Variants in TAF8 observed in about 807,000 individuals in gnomAD.
TAF8 encodes TATA-box binding protein associated factor 8.
In TAF8, 47 loss-of-function variants were observed where a neutral mutation model predicts 36.5. That is an observed-to-expected ratio of 1.29 (90% CI 1.02 to 1.64). The LOEUF (loss-of-function observed/expected upper bound fraction) is 1.64, where lower values mean the gene tolerates loss of function less well. Among genes scored for constraint, TAF8 ranks in the 40% most tolerant of loss-of-function variants. The probability of loss-of-function intolerance (pLI) is 0.00; values close to 1 mark genes in which losing one functional copy is unlikely to be tolerated. For missense variants in TAF8, 420 were observed against 407.6 expected (o/e 1.03, Z -0.26); for synonymous variants, 175 against 159.5 (o/e 1.10, Z -0.73).
At chr6:42,059,747 G>T (rs886241268) in intron 5 of TAF8, among the ~76,000 whole-genome samples, 1 of 152,178 alleles carries the variant, frequency 6.6e-6, no homozygotes, top group African/African-American at 2.4e-5. Flanking sequence ...CTCCGCCCAG[G>T]AATGAACAAG....
At position 42,080,076 on chromosome 6, in the gene TAF8, G is replaced by A. The variant is rs772797622; in HGVS notation, c.*2531G>A. On this transcript the variant is annotated 3_prime_UTR_variant, in exon 9 of 9. Coordinates refer to ENST00000372977, the MANE Select transcript of TAF8 (RefSeq NM_138572.3). ...TAGTAACGTGAAACTCTCCTAGATCGAAGCAGTTAGACTGGCCTATGTGGC... is the reference window on the plus strand; with the variant it reads ...TAGTAACGTGAAACTCTCCTAGATCAAAGCAGTTAGACTGGCCTATGTGGC... The A allele has an allele frequency of 2.8e-4, 272 of 985,204 alleles. No individual in the cohort carries two copies. Among genetic ancestry groups the A allele is most frequent in the Non-Finnish European group, 3.2e-4 (262 of 829,930 alleles). 61.0% of individuals were successfully genotyped at this position (985,204 alleles called of 1,614,324 possible).
Position 42,078,465 on chromosome 6 carries a change from G to A in TAF8, c.*920G>A, listed in dbSNP as rs1697790574. The A allele has an allele frequency of 1.0e-6, 1 of 985,338 alleles. No individual in the cohort carries two copies. Among genetic ancestry groups the A allele is most frequent in the African/African-American group, 1.7e-5 (1 of 57,220 alleles). The allele number at this position is 985,338 out of a possible 1,614,324, so 61.0% of individuals were successfully genotyped here. ...TTTCTCTCCTCATCTGGCCTCCCAA[G>A]TGCTCCGTTGAGCTGATGAAAAGTT... On this transcript the variant is annotated 3_prime_UTR_variant, in exon 9 of 9. Coordinates refer to ENST00000372977, the MANE Select transcript of TAF8 (RefSeq NM_138572.3).
chr6:42,051,249 T>G (rs528983729), intron 1 of TAF8, 108 bp from the exon 2 acceptor site: 1 of 1,361,856 alleles, frequency 7.3e-7, no homozygotes, highest in East Asian at 2.4e-5. Flanking sequence ...AGCACTGATT[T>G]TTAAAATAAA....
intron 7 of TAF8, among the ~76,000 whole-genome samples, chr6:42,069,333 A>G (rs972516986): frequency 6.6e-6 from 1 of 152,160 alleles, no homozygotes; most frequent in African/African-American, 2.4e-5. Context: ...TGGGCTATAG[A>G]GGGCAGGCAG....
At chr6:42,057,545 T>C (rs759306647) in intron 5 of TAF8, 32 bp downstream of exon 5, 1 of 1,612,928 alleles carries the variant, frequency 6.2e-7, no homozygotes. Context: ...CTGCGCGTGG[T>C]GTAAAGCACG....
Position 42,077,784 on chromosome 6 carries a change from C to A in TAF8, c.*239C>A. 7.5e-7 allele frequency: 1 copy of A among 1,335,714 alleles called. No individual in the cohort carries two copies. Among genetic ancestry groups the A allele is most frequent in the Non-Finnish European group, 9.7e-7 (1 of 1,030,834 alleles). The allele number at this position is 1,335,714 out of a possible 1,614,324, so 82.7% of individuals were successfully genotyped here. On this transcript the variant is annotated 3_prime_UTR_variant, in exon 9 of 9. Coordinates refer to ENST00000372977, the MANE Select transcript of TAF8 (RefSeq NM_138572.3). ...TTTTTTTTTTATTTTGAGATGGAGTCTTACTCTATCACCCAGGCTGGAATG... is the reference window on the plus strand; with the variant it reads ...TTTTTTTTTTATTTTGAGATGGAGTATTACTCTATCACCCAGGCTGGAATG...
At chr6:42,052,426 A>G (rs955970348) in intron 2 of TAF8, among the ~76,000 whole-genome samples, 10 of 151,290 alleles carry the variant, frequency 6.6e-5, no homozygotes, top group Non-Finnish European at 1.3e-4. Context: ...GGTTCAAGCA[A>G]TTCTCCTGCC....
chr6:42,054,151 T>C (rs1261322097), intron 2 of TAF8, among the ~76,000 whole-genome samples: 1 of 152,128 alleles, frequency 6.6e-6, no homozygotes, highest in Non-Finnish European at 1.5e-5. Flanking sequence ...TCATGAAACC[T>C]CCTGTCCACC....
Position 42,077,768 on chromosome 6 carries a change from T to A in TAF8, c.*223T>A. The A allele has an allele frequency of 1.4e-6, 2 of 1,388,932 alleles. No individual in the cohort carries two copies. The highest frequency in any genetic ancestry group is 1.9e-6 in the Non-Finnish European group (2 of 1,071,236). 86.0% of individuals were successfully genotyped at this position (1,388,932 alleles called of 1,614,324 possible). On this transcript the variant is annotated 3_prime_UTR_variant, in exon 9 of 9. Coordinates refer to ENST00000372977, the MANE Select transcript of TAF8 (RefSeq NM_138572.3). ...ACAGAATAATGAGAATTTTTTTTTTTATTTTGAGATGGAGTCTTACTCTAT... is the reference window on the plus strand; with the variant it reads ...ACAGAATAATGAGAATTTTTTTTTTAATTTTGAGATGGAGTCTTACTCTAT...
At chr6:42,071,112 G>T (rs921168921) in intron 7 of TAF8, among the ~76,000 whole-genome samples, 2 of 152,044 alleles carry the variant, frequency 1.3e-5, no homozygotes, top group Admixed American at 6.6e-5. Context: ...GGCTAATAGG[G>T]TTATATAGTC....
intron 7 of TAF8, among the ~76,000 whole-genome samples, chr6:42,073,746 T>C (rs1459709687): frequency 6.6e-6 from 1 of 151,786 alleles, no homozygotes; most frequent in Non-Finnish European, 1.5e-5. Flanking sequence ...CTAAGAGAGA[T>C]GGGAGTTGTG....
Position 42,081,957 on chromosome 6 carries a change from TG to T in TAF8, c.*4413del, listed in dbSNP as rs1383130989. On this transcript the variant is annotated 3_prime_UTR_variant, in exon 9 of 9. Transcript: ENST00000372977. ...GCAAAAAATGTTGAGAGAGATCCTA[TG>T]TACCCATCACCCACTTTCTCCCAGT... 5 of 152,284 alleles carry T rather than the reference TG, an allele frequency of 3.3e-5. No individual in the cohort carries two copies. Among genetic ancestry groups the T allele is most frequent in the Admixed American group, 3.3e-4 (5 of 15,290 alleles). 9.4% of individuals were successfully genotyped at this position (152,284 alleles called of 1,614,324 possible).
At chr6:42,062,363 T>C (rs1259428658) in intron 5 of TAF8, among the ~76,000 whole-genome samples, 3 of 152,116 alleles carry the variant, frequency 2.0e-5, no homozygotes, top group African/African-American at 7.2e-5. Context: ...CACATCAGTA[T>C]GATTTTAATG....
chr6:42,074,316 G>A (rs1037324786), intron 7 of TAF8, among the ~76,000 whole-genome samples: 1 of 152,130 alleles, frequency 6.6e-6, no homozygotes, highest in African/African-American at 2.4e-5. Context: ...AATGCTGAGT[G>A]AGCAGCTGGC....
chr6:42,085,076 G>A (rs540515850), downstream of TAF8, among the ~76,000 whole-genome samples: 16 of 152,274 alleles, frequency 1.1e-4, no homozygotes, highest in South Asian at 3.3e-3. Context: ...TCCTCTAGAG[G>A]CAGTCTGTGC....
chr6:42,075,673 A>G (rs1300868317), intron 7 of TAF8, among the ~76,000 whole-genome samples: 1 of 151,920 alleles, frequency 6.6e-6, no homozygotes, highest in East Asian at 1.9e-4. Context: ...TCCCCGTGGA[A>G]GAACTTCTTC....
At chr6:42,059,693 T>C (rs927380959) in intron 5 of TAF8, among the ~76,000 whole-genome samples, 4 of 152,218 alleles carry the variant, frequency 2.6e-5, no homozygotes, top group African/African-American at 7.2e-5. Context: ...TGTCACTGTC[T>C]TTGTTTAAAC....
chr6:42,078,138 C>G lies in TAF8; in HGVS notation c.*593C>G, dbSNP rs555405142. 5.5e-5 allele frequency: 49 copies of G among 898,774 alleles called. 1 individual carries two copies. The African/African-American group carries it at 7.4e-4, about 14-fold the overall frequency. The allele number at this position is 898,774 out of a possible 1,614,324, so 55.7% of individuals were successfully genotyped here. The stretch of plus-strand genomic sequence containing the variant: ...ACTCCTGACCTCAAGTGATAACCCG[C>G]CTCGGCCTCCCAAAGTGCTGAGATT... On this transcript the variant is annotated 3_prime_UTR_variant, in exon 9 of 9. Transcript: ENST00000372977.
At chr6:42,057,726 C>G (rs1281748651) in intron 5 of TAF8, 2 of 564,128 alleles carry the variant, frequency 3.5e-6, no homozygotes, top group East Asian at 6.4e-5. Context: ...TCAAGACCAG[C>G]CTGGGCAGCA....
Sources: gnomAD v4.1 joint callset for allele counts (sites outside exome capture counted in the v4.1 genomes callset) on GRCh38, gnomAD v4.1.1 for gene constraint, MANE v1.5 for transcripts, NCBI Gene and HGNC (gene_info 2026-07-23, HGNC 2026-07-21) for gene names.